TNS1: variants seen among roughly 807,000 people sequenced by gnomAD.
The protein encoded by TNS1 is tensin-1.
In TNS1, 62 loss-of-function variants were observed where a neutral mutation model predicts 168.6. The ratio of observed to expected loss-of-function variants is 0.37; its 90% CI spans 0.30 to 0.45. The LOEUF is 0.45. Ranked by LOEUF, TNS1 falls within the 20% of genes least tolerant of loss-of-function variation. The pLI is 1.00. For missense variants in TNS1, 2,240 were observed against 2,339.4 expected (o/e 0.96, Z 0.88); for synonymous variants, 934 against 933.2 (o/e 1.00, Z -0.02).
intron 3 of TNS1, among the ~76,000 whole-genome samples, chr2:217,932,947 C>T (rs1015715467): frequency 3.3e-5 from 5 of 152,146 alleles, no homozygotes; most frequent in African/African-American, 7.2e-5. Context: ...CTCTGATGGA[C>T]GAGGCTGCAC....
In TNS1 at chr2:218,033,000, C is replaced by T. The variant is rs1014398693; in HGVS notation, c.156+820G>A. On this transcript the variant is annotated intron_variant, in intron 1 of 1. Coordinates refer to the TNS1 transcript ENST00000649572. This position sits in a 1 kb window ranked among gnomAD's most constrained non-coding sequence, Gnocchi z 4.0. ...CCTCCATCACAGCCCCACTCCCTGTCCCTGTCCCTGCCCACCTTTACCTGG... is the reference window on the plus strand; with the variant it reads ...CCTCCATCACAGCCCCACTCCCTGTTCCTGTCCCTGCCCACCTTTACCTGG... Among the ~76,000 whole-genome samples, 1 of 152,188 alleles carries T rather than the reference C, an allele frequency of 6.6e-6. No homozygotes were observed. Among genetic ancestry groups the T allele is most frequent in the Non-Finnish European group, 1.5e-5 (1 of 68,018 alleles).
Position 217,849,187 on chromosome 2 carries a change from A to G in TNS1, c.1430-100T>C, listed in dbSNP as rs1413543490. 4.2e-6 allele frequency: 6 copies of G among 1,417,368 alleles called. No individual in the cohort carries two copies. The East Asian group carries it at 1.4e-4, about 33-fold the overall frequency. The allele number at this position is 1,417,368 out of a possible 1,614,324, so 87.8% of individuals were successfully genotyped here. A position where few individuals can be genotyped will look rare whatever the true frequency, so the allele number is the denominator to read the frequency against. On this transcript the variant is annotated intron_variant, in intron 18 of 32. Transcript: ENST00000682258. ...CCAGAGAAAGAAGCTAAGAGCTCCC[A>G]TGCCCTGCATCCTAAAACCTCCTCT...
rs532077048 is a variant in TNS1 at position 217,948,300 on chromosome 2, T to G, written c.187-28064A>C. 6.6e-6 allele frequency among the ~76,000 whole-genome samples: 1 copy of G among 152,286 alleles called. No homozygotes were observed. The highest frequency in any genetic ancestry group is 1.9e-4 in the East Asian group (1 of 5,170). ...ACTGGAGCCGCCTCCTCTAGCACCC[T>G]GGGCCCTCACTCTCTTCTTCCCCCT... On this transcript the variant is annotated intron_variant, in intron 3 of 32. Coordinates refer to ENST00000682258, the MANE Select transcript of TNS1 (RefSeq NM_001387777.1). This position sits in a 1 kb window ranked among gnomAD's most constrained non-coding sequence, Gnocchi z 4.1.
At chr2:218,027,435 C>T (rs1958860270) in intron 1 of TNS1, among the ~76,000 whole-genome samples, 3 of 152,218 alleles carry the variant, frequency 2.0e-5, no homozygotes, top group Middle Eastern at 3.4e-3. Context: ...GCTTCTAGCA[C>T]CTCTGCACCT....
At chr2:218,014,248 C>A (rs533215711), upstream of TNS1, among the ~76,000 whole-genome samples, 1 of 152,260 alleles carries the variant, frequency 6.6e-6, no homozygotes, top group African/African-American at 2.4e-5. Context: ...TCCCCGGGGA[C>A]CCCCCAGCCT....
chr2:217,888,092 A>G (rs1263298838), intron 12 of TNS1, among the ~76,000 whole-genome samples: 2 of 152,202 alleles, frequency 1.3e-5, no homozygotes, highest in Non-Finnish European at 2.9e-5. Context: ...CTACTCAAGT[A>G]AGATAATCTG....
Position 217,803,361 on chromosome 2 carries a change from G to C in TNS1, c.*1098C>G, listed in dbSNP as rs957171405. 7.9e-5 allele frequency: 12 copies of C among 152,586 alleles called. No individual in the cohort carries two copies. Among genetic ancestry groups the C allele is most frequent in the African/African-American group, 2.9e-4 (12 of 41,576 alleles). 9.5% of individuals were successfully genotyped at this position (152,586 alleles called of 1,614,324 possible). On this transcript the variant is annotated 3_prime_UTR_variant, in exon 33 of 33. Coordinates refer to ENST00000682258, the MANE Select transcript of TNS1 (RefSeq NM_001387777.1). ...ATGCAGGTAAGCAGGTCTGAGATAA[G>C]GCTGGTCCAGGGGCATGAAACCCAA... is the stretch of plus-strand genomic sequence containing the variant.
intron 3 of TNS1, among the ~76,000 whole-genome samples, chr2:217,942,711 G>T (rs1956975266): frequency 6.6e-6 from 1 of 152,056 alleles, no homozygotes; most frequent in African/African-American, 2.4e-5. Flanking sequence ...AGAAGCCCTT[G>T]TCTCCAAAGA....
At chr2:217,859,518 G>A in intron 18 of TNS1, 1 of 849,112 alleles carries the variant, frequency 1.2e-6, no homozygotes, top group Non-Finnish European at 1.9e-6. Flanking sequence ...CAGGGCTCCA[G>A]GAGGGGACAG....
chr2:217,901,500 T>C (rs1299823632), intron 6 of TNS1, among the ~76,000 whole-genome samples: 3 of 152,198 alleles, frequency 2.0e-5, no homozygotes, highest in African/African-American at 7.2e-5. Context: ...GCATCGCCTC[T>C]ACCCATCCTT....
intron 3 of TNS1, among the ~76,000 whole-genome samples, chr2:217,923,225 C>T (rs1029109533): frequency 2.0e-5 from 3 of 152,190 alleles, no homozygotes; most frequent in African/African-American, 7.2e-5. Context: ...GATTCCAGGG[C>T]TCAGACCCAG....
At chr2:218,016,054 A>AG (rs1958756946) in intron 1 of TNS1, among the ~76,000 whole-genome samples, 1 of 142,484 alleles carries the variant, frequency 7.0e-6, no homozygotes, top group African/African-American at 2.6e-5. Context: ...GGCCAGGGAA[A>AG]GGGGGAGGGC....
intron 18 of TNS1, among the ~76,000 whole-genome samples, chr2:217,873,955 A>G (rs2125607328): frequency 6.6e-6 from 1 of 151,960 alleles, no homozygotes; most frequent in African/African-American, 2.4e-5. Flanking sequence ...CTAAATATGT[A>G]AGTCAGGAAA....
chr2:217,916,497 G>A (rs1468247590), intron 4 of TNS1, among the ~76,000 whole-genome samples: 1 of 152,186 alleles, frequency 6.6e-6, no homozygotes, highest in Non-Finnish European at 1.5e-5. Flanking sequence ...AAATTCTTTT[G>A]ACTTATTTTT....
chr2:217,921,971 T>C (rs1404746490), intron 3 of TNS1, among the ~76,000 whole-genome samples: 3 of 152,088 alleles, frequency 2.0e-5, no homozygotes, highest in Non-Finnish European at 4.4e-5. Flanking sequence ...AGTCCCAAGA[T>C]GACATGTGAA....
At chr2:218,002,708 CAGAA>C in intron 1 of TNS1, 128 bp downstream of exon 1, 1 of 442,676 alleles carries the variant, frequency 2.3e-6, no homozygotes, top group Non-Finnish European at 4.5e-6. Flanking sequence ...AGGTCAGAGA[CAGAA>C]AGGCCCCTCC....
chr2:217,904,289 C>A (rs1953392069), intron 6 of TNS1, among the ~76,000 whole-genome samples: 1 of 152,222 alleles, frequency 6.6e-6, no homozygotes, highest in Non-Finnish European at 1.5e-5. Context: ...GCCATTCCTG[C>A]CTGTGAGTCC....
chr2:217,911,290 C>A (rs759665493), intron 4 of TNS1, among the ~76,000 whole-genome samples: 11 of 152,232 alleles, frequency 7.2e-5, no homozygotes, highest in Non-Finnish European at 1.5e-4. Context: ...TACCTGAAAA[C>A]CAAGCCCTGC....
intron 22 of TNS1, among the ~76,000 whole-genome samples, chr2:217,822,660 A>G (rs1330203440): frequency 6.6e-6 from 1 of 152,188 alleles, no homozygotes; most frequent in African/African-American, 2.4e-5. Context: ...TATACACGGC[A>G]CTACCTGGTG....
Sources: gnomAD v4.1 joint callset for allele counts (sites outside exome capture counted in the v4.1 genomes callset) on GRCh38, gnomAD v4.1.1 for gene constraint, Gnocchi (gnomAD v3.1) non-coding constraint, MANE v1.5 for transcripts, NCBI Gene and HGNC (gene_info 2026-07-23, HGNC 2026-07-21) for gene names.